The following DGLUCY variants were observed in gnomAD, a reference collection of about 807,000 sequenced individuals.
The protein encoded by DGLUCY is D-glutamate cyclase, mitochondrial.
DGLUCY carries 58 observed loss-of-function variants against 58.5 expected under a neutral mutation model. The observed-to-expected ratio is 0.99, with a 90% CI of 0.80 to 1.23. DGLUCY has a LOEUF of 1.23. DGLUCY is among the 50% of genes most tolerant of loss of function. DGLUCY has a pLI of 0.00. For synonymous variants in DGLUCY, 325 were observed against 314.1 expected (o/e 1.03, Z -0.37); for missense variants, 779 against 784.7 (o/e 0.99, Z 0.09).
intron 11 of DGLUCY, among the ~76,000 whole-genome samples, chr14:91,203,677 GTTTTT>G (rs142610008): frequency 1.4e-4 from 21 of 145,362 alleles, no homozygotes; most frequent in East Asian, 2.0e-4. Flanking sequence ...TTTTTTGTGT[GTTTTT>G]TTTTTTTTTT....
intron 1 of DGLUCY, among the ~76,000 whole-genome samples, chr14:91,115,423 T>C (rs1486476815): frequency 6.6e-6 from 1 of 152,082 alleles, no homozygotes; most frequent in Non-Finnish European, 1.5e-5. Context: ...GAAGCACCTT[T>C]TTTTCCCCCC....
At chr14:91,099,620 A>C (rs34794311) in intron 1 of DGLUCY, among the ~76,000 whole-genome samples, 1 of 151,728 alleles carries the variant, frequency 6.6e-6, no homozygotes, top group Non-Finnish European at 1.5e-5. Context: ...GGTGAATATC[A>C]CCATAGAATG....
intron 1 of DGLUCY, among the ~76,000 whole-genome samples, chr14:91,099,554 G>A (rs896645881): frequency 1.4e-5 from 2 of 148,068 alleles, no homozygotes; most frequent in African/African-American, 2.5e-5. Context: ...AATGCCCTTC[G>A]CTGATAAGCA....
intron 11 of DGLUCY, among the ~76,000 whole-genome samples, chr14:91,201,758 A>G (rs2050577450): frequency 3.3e-5 from 5 of 151,982 alleles, no homozygotes; most frequent in Admixed American, 6.6e-5. Context: ...GTCGTTAATA[A>G]TATAATAATA....
In DGLUCY at chr14:91,160,308, T is replaced by C; in HGVS notation, c.14T>C (p.Leu5Pro). Residue 5 changes from leucine to proline, a missense_variant, in exon 3 of 14, where the codon CTC becomes CCC. Transcript: ENST00000256324. The stretch of plus-strand genomic sequence containing the variant: ...CAAGTTGACACGATGCCCTTCACAC[T>C]CCACCTGAGGTCCCGCCTTCCCTCT... MPFT[L>P]HLRSRLPSAI... 5 of 1,610,516 alleles carry C rather than the reference T, an allele frequency of 3.1e-6. No homozygotes were observed. The highest frequency in any genetic ancestry group is 4.2e-6 in the Non-Finnish European group (5 of 1,178,820).
intron 1 of DGLUCY, among the ~76,000 whole-genome samples, chr14:91,133,525 C>A (rs1419656031): frequency 6.6e-6 from 1 of 152,098 alleles, no homozygotes; most frequent in African/African-American, 2.4e-5. Context: ...TACTGGATTA[C>A]ATGGTAGTTC....
chr14:91,188,584 G>C (rs2049669280), intron 8 of DGLUCY, among the ~76,000 whole-genome samples: 1 of 152,182 alleles, frequency 6.6e-6, no homozygotes, highest in South Asian at 2.1e-4. Context: ...CCAGCACTTT[G>C]GGAGGCCAAG....
At chr14:91,207,112 T>C (rs1884847986) in intron 12 of DGLUCY, among the ~76,000 whole-genome samples, 1 of 144,986 alleles carries the variant, frequency 6.9e-6, no homozygotes, top group South Asian at 2.2e-4. Context: ...TGAGCTGTGA[T>C]TGAGCCATTG....
intron 1 of DGLUCY, among the ~76,000 whole-genome samples, chr14:91,088,024 C>G (rs1024394287): frequency 1.3e-5 from 2 of 152,028 alleles, no homozygotes; most frequent in Admixed American, 6.6e-5. Context: ...GAGGTGAAAG[C>G]AGAGGGGAGT....
intron 10 of DGLUCY, among the ~76,000 whole-genome samples, chr14:91,198,388 A>C (rs1247233779): frequency 6.8e-6 from 1 of 148,006 alleles, no homozygotes; most frequent in Non-Finnish European, 1.5e-5. Context: ...TCTGTCACCC[A>C]GGCTGGAGTG....
intron 11 of DGLUCY, among the ~76,000 whole-genome samples, chr14:91,202,408 T>A (rs902567041): frequency 1.3e-5 from 2 of 152,198 alleles, no homozygotes; most frequent in African/African-American, 4.8e-5. Context: ...TGTTTCCAAG[T>A]GTTTCCCAGA....
At chr14:91,117,105 C>T (rs748553027) in intron 1 of DGLUCY, among the ~76,000 whole-genome samples, 3 of 152,146 alleles carry the variant, frequency 2.0e-5, no homozygotes, top group Non-Finnish European at 4.4e-5. Context: ...GAGGGTTTCT[C>T]TCCTCTTTAC....
At chr14:91,104,991 T>C (rs1185938843), upstream of DGLUCY, among the ~76,000 whole-genome samples, 1 of 152,214 alleles carries the variant, frequency 6.6e-6, no homozygotes, top group African/African-American at 2.4e-5. Flanking sequence ...TATTAGCTGT[T>C]ATTTTTATTT....
chr14:91,172,970 G>A (rs540497212), intron 5 of DGLUCY, among the ~76,000 whole-genome samples: 12 of 152,204 alleles, frequency 7.9e-5, no homozygotes, highest in African/African-American at 2.4e-4. Context: ...TGATAACTGT[G>A]CTTGCAGGAT....
At chr14:91,188,564 G>T (rs906160353) in intron 8 of DGLUCY, among the ~76,000 whole-genome samples, 1 of 152,178 alleles carries the variant, frequency 6.6e-6, no homozygotes, top group Admixed American at 6.5e-5. Flanking sequence ...GGTGGCTCAC[G>T]CCTGTAATCC....
chr14:91,208,658 C>T (rs1183452191), intron 12 of DGLUCY, among the ~76,000 whole-genome samples: 2 of 152,046 alleles, frequency 1.3e-5, no homozygotes, highest in Non-Finnish European at 2.9e-5. Context: ...CTGAGGTAGG[C>T]AGATCACCTG....
At chr14:91,190,859 G>C (rs574198551) in intron 9 of DGLUCY, among the ~76,000 whole-genome samples, 87 of 152,280 alleles carry the variant, frequency 5.7e-4, no homozygotes, top group African/African-American at 1.9e-3. Context: ...GTTCTGTGTG[G>C]GTTGTAAGCA....
At chr14:91,134,610 G>T (rs1003408394) in intron 1 of DGLUCY, among the ~76,000 whole-genome samples, 13 of 151,854 alleles carry the variant, frequency 8.6e-5, no homozygotes, top group African/African-American at 2.9e-4. Context: ...GCTAATTTTT[G>T]TATTTTTAGT....
At chr14:91,111,607 A>G (rs887696179), upstream of DGLUCY, among the ~76,000 whole-genome samples, 1 of 152,150 alleles carries the variant, frequency 6.6e-6, no homozygotes, top group Non-Finnish European at 1.5e-5. Context: ...AAAACTTACT[A>G]GGCTATCACT....
Sources: allele counts gnomAD v4.1 joint callset (sites outside exome capture counted in the v4.1 genomes callset), GRCh38; gene constraint gnomAD v4.1.1; transcripts MANE v1.5; gene names NCBI Gene and HGNC (gene_info 2026-07-23, HGNC 2026-07-21).